Variants in XPNPEP3 observed in about 807,000 individuals in gnomAD.
XPNPEP3 encodes xaa-Pro aminopeptidase 3.
XPNPEP3 carries 41 observed loss-of-function variants against 60.0 expected under a neutral mutation model. The observed-to-expected ratio is 0.68, with a 90% CI of 0.53 to 0.89. XPNPEP3 has a LOEUF of 0.89. XPNPEP3 is among the 40% of genes least tolerant of loss of function. The probability of loss-of-function intolerance (pLI) is 0.00; values close to 1 mark genes in which losing one functional copy is unlikely to be tolerated. For missense variants in XPNPEP3, 598 were observed against 638.9 expected (o/e 0.94, Z 0.69); for synonymous variants, 212 against 223.2 (o/e 0.95, Z 0.45).
Position 40,857,212 on chromosome 22 carries a change from G to C in XPNPEP3, c.31G>C (p.Val11Leu), listed in dbSNP as rs1384311547. 1 of 1,614,226 alleles carries C rather than the reference G, an allele frequency of 6.2e-7. No individual in the cohort carries two copies. The highest frequency in any genetic ancestry group is 2.2e-5 in the East Asian group (1 of 44,882). MPWLLSAPKL[V>L]PAVANVRGLS... ...TTGGCTGCTCTCAGCCCCCAAGCTG[G>C]TTCCCGCTGTAGCAAACGTCCGCGG... The change falls in exon 1 of 10, where the codon GTT (valine) becomes CTT (leucine). Residue 11 changes from valine to leucine, a missense_variant. By Grantham distance (32) the Val-to-Leu change is conservative. Coordinates refer to ENST00000357137, the MANE Select transcript of XPNPEP3 (RefSeq NM_022098.4).
intron 4 of XPNPEP3, among the ~76,000 whole-genome samples, chr22:40,890,744 G>T (rs1429359809): frequency 6.6e-6 from 1 of 151,986 alleles, no homozygotes; most frequent in East Asian, 1.9e-4. Context: ...GTACGCACCT[G>T]TAGTCCCAGC....
intron 4 of XPNPEP3, among the ~76,000 whole-genome samples, chr22:40,899,664 C>T (rs1225640182): frequency 6.6e-6 from 1 of 151,726 alleles, no homozygotes; most frequent in African/African-American, 2.4e-5. Context: ...ACTAAAAATA[C>T]AAAAATTAGC....
intron 7 of XPNPEP3, 27 bp downstream of exon 7, chr22:40,914,351 C>A: frequency 6.3e-7 from 1 of 1,577,882 alleles, no homozygotes; most frequent in Non-Finnish European, 8.7e-7. Flanking sequence ...GTAACGTATC[C>A]CACTGCTTCT....
chr22:40,871,647 A>G (rs2058006309), intron 2 of XPNPEP3, among the ~76,000 whole-genome samples: 1 of 152,178 alleles, frequency 6.6e-6, no homozygotes, highest in Non-Finnish European at 1.5e-5. Context: ...GTTTCTTTTT[A>G]GTCCTATTTC....
intron 1 of XPNPEP3, among the ~76,000 whole-genome samples, chr22:40,858,985 A>G (rs913868903): frequency 3.9e-5 from 6 of 152,170 alleles, no homozygotes; most frequent in African/African-American, 1.4e-4. Flanking sequence ...ATGTTGCCCA[A>G]AGTAAACTTG....
At chr22:40,860,741 C>T (rs1349509766) in intron 1 of XPNPEP3, 2 of 802,948 alleles carry the variant, frequency 2.5e-6, no homozygotes, top group Admixed American at 2.8e-5. Context: ...CAACCTATGT[C>T]TTCCAGGCTC....
At chr22:40,897,587 G>A (rs565740613) in intron 4 of XPNPEP3, among the ~76,000 whole-genome samples, 53 of 151,168 alleles carry the variant, frequency 3.5e-4, no homozygotes, top group Non-Finnish European at 7.2e-4. Flanking sequence ...CTGCAGCCTC[G>A]AACTCCTGGG....
intron 4 of XPNPEP3, among the ~76,000 whole-genome samples, chr22:40,906,375 C>T (rs1261914582): frequency 6.6e-6 from 1 of 150,846 alleles, no homozygotes; most frequent in Non-Finnish European, 1.5e-5. Context: ...GAGTTCTGAT[C>T]ACTCCACTGC....
rs1374196893 is a variant in XPNPEP3 at position 40,930,636 on chromosome 22, C to T, written c.*4201C>T. On this transcript the variant is annotated 3_prime_UTR_variant, in exon 10 of 10. Transcript: ENST00000357137. ...CCAGGCTGGAGTACAGTGGTGTGATCTTGGCTCACTGCAACCTCCACCCAC... is the reference window on the plus strand; with the variant it reads ...CCAGGCTGGAGTACAGTGGTGTGATTTTGGCTCACTGCAACCTCCACCCAC... 1 of 151,384 alleles carries T rather than the reference C, an allele frequency of 6.6e-6. No homozygotes were observed. The highest frequency in any genetic ancestry group is 2.4e-5 in the African/African-American group (1 of 41,212). The allele number at this position is 151,384 out of a possible 1,614,324, so 9.4% of individuals were successfully genotyped here.
At chr22:40,858,309 G>T (rs891741540) in intron 1 of XPNPEP3, among the ~76,000 whole-genome samples, 1 of 139,122 alleles carries the variant, frequency 7.2e-6, no homozygotes, top group African/African-American at 3.4e-5. Flanking sequence ...GTTTTGCCAC[G>T]TTGGCCAAGC....
At chr22:40,912,163 TCA>T (rs767287830) in intron 6 of XPNPEP3, among the ~76,000 whole-genome samples, 1 of 152,188 alleles carries the variant, frequency 6.6e-6, no homozygotes, top group Non-Finnish European at 1.5e-5. Flanking sequence ...TAAAATTTTC[TCA>T]GTTTTAATTT....
intron 7 of XPNPEP3, among the ~76,000 whole-genome samples, chr22:40,918,297 C>A (rs2058203910): frequency 6.6e-6 from 1 of 152,038 alleles, no homozygotes; most frequent in Non-Finnish European, 1.5e-5. Flanking sequence ...TCACTTGACC[C>A]CTGAAATTTT....
intron 2 of XPNPEP3, among the ~76,000 whole-genome samples, chr22:40,875,684 A>G (rs2058025232): frequency 1.3e-5 from 2 of 152,188 alleles, no homozygotes; most frequent in South Asian, 2.1e-4. Context: ...GAAATATAAT[A>G]AAGTTTTCAT....
chr22:40,871,157 G>A (rs1399108243), intron 2 of XPNPEP3, among the ~76,000 whole-genome samples: 2 of 152,182 alleles, frequency 1.3e-5, no homozygotes, highest in African/African-American at 4.8e-5. Flanking sequence ...GAGGTTAGGA[G>A]TTCGAGACGA....
At chr22:40,898,934 A>T (rs371611612) in intron 4 of XPNPEP3, among the ~76,000 whole-genome samples, 7 of 152,206 alleles carry the variant, frequency 4.6e-5, no homozygotes, top group African/African-American at 1.7e-4. Flanking sequence ...ACAGTTGCCC[A>T]TATCTAGATA....
chr22:40,868,453 GTA>G (rs960386985), intron 1 of XPNPEP3, among the ~76,000 whole-genome samples: 3 of 151,186 alleles, frequency 2.0e-5, no homozygotes, highest in African/African-American at 7.3e-5. Flanking sequence ...GTGTGTGTGT[GTA>G]TGTGTATAAA....
chr22:40,857,363 C>G, intron 1 of XPNPEP3, 118 bp downstream of exon 1: 3 of 1,131,690 alleles, frequency 2.7e-6, no homozygotes, highest in East Asian at 5.1e-5. Context: ...CTCCCCAACC[C>G]TCTGTGCTCC....
At chr22:40,902,246 A>AT (rs140967240) in intron 4 of XPNPEP3, among the ~76,000 whole-genome samples, 2,616 of 64,340 alleles carry the variant, frequency 0.041, 262 homozygotes, top group African/African-American at 0.096. Flanking sequence ...TGCCTGGCTA[A>AT]TTTTTTTTTT....
intron 1 of XPNPEP3, chr22:40,859,539 A>G (rs1380570914): frequency 1.3e-5 from 2 of 152,098 alleles, no homozygotes; most frequent in Non-Finnish European, 2.9e-5. Context: ...CACATCTTAT[A>G]TTAGAAGCAT....
Sources: gnomAD v4.1 joint callset for allele counts (sites outside exome capture counted in the v4.1 genomes callset) on GRCh38, gnomAD v4.1.1 for gene constraint, MANE v1.5 for transcripts, NCBI Gene and HGNC (gene_info 2026-07-23, HGNC 2026-07-21) for gene names.